Variants in AKT3 observed in about 807,000 individuals in gnomAD.
The protein encoded by AKT3 is AKT serine/threonine kinase 3, also known as RAC-gamma serine/threonine-protein kinase.
A neutral mutation model predicts 65.3 loss-of-function variants in AKT3; 15 were observed. The observed-to-expected ratio is 0.23, with a 90% confidence interval of 0.15 to 0.35. AKT3 has a LOEUF of 0.35. AKT3 is among the 10% of genes least tolerant of loss of function. The pLI, the probability that AKT3 is intolerant of heterozygous loss-of-function variation, is 1.00. For missense variants in AKT3, 243 were observed against 576.5 expected, an observed-to-expected ratio of 0.42 and a Z score of 5.92; for synonymous variants, 206 against 183.8, an observed-to-expected ratio of 1.12 and a Z score of -0.98.
rs563413471 is a variant in AKT3 at position 243,759,518 on chromosome 1, G to A, written c.47-63802C>T. Among the ~76,000 whole-genome samples, 3 of 150,960 alleles carry A rather than the reference G, an allele frequency of 2.0e-5. No individual in the cohort carries two copies. The South Asian group carries it at 6.3e-4, about 32-fold the overall frequency. ...ATGCTATACCTTCCCAAAATAACAT[G>A]ATGGGTAATGAATAATATTATGAAT... On this transcript the variant is annotated intron_variant, in intron 2 of 13. Coordinates refer to ENST00000673466, the MANE Select transcript of AKT3 (RefSeq NM_005465.7).
At chr1:243,693,280 ATATATATATATAT>A (rs1684837634) in intron 3 of AKT3, among the ~76,000 whole-genome samples, 2 of 111,848 alleles carry the variant, frequency 1.8e-5, no homozygotes, top group African/African-American at 7.2e-5. Context: ...ATATATATAT[ATATATATATATAT>A]AACATTTCCC....
At chr1:243,588,365 C>A (rs1398824283) in intron 8 of AKT3, among the ~76,000 whole-genome samples, 1 of 152,196 alleles carries the variant, frequency 6.6e-6, no homozygotes. Context: ...AGAGTCATTA[C>A]TGAACTCTCA....
chr1:243,641,624 T>C (rs1306637494), intron 5 of AKT3, among the ~76,000 whole-genome samples: 1 of 152,098 alleles, frequency 6.6e-6, no homozygotes, highest in African/African-American at 2.4e-5. Context: ...AATATTACTA[T>C]ATTCCTTAAG....
intron 2 of AKT3, among the ~76,000 whole-genome samples, chr1:243,815,087 C>A (rs1693422105): frequency 6.6e-6 from 1 of 152,154 alleles, no homozygotes; most frequent in Non-Finnish European, 1.5e-5. Flanking sequence ...TAGATTGGAT[C>A]TTTTCTAGAA....
At chr1:243,744,304 G>A (rs1688339277) in intron 2 of AKT3, among the ~76,000 whole-genome samples, 1 of 152,166 alleles carries the variant, frequency 6.6e-6, no homozygotes, top group Admixed American at 6.5e-5. Flanking sequence ...GGTAGAGGAA[G>A]GGAAGGCTTA....
intron 11 of AKT3, 89 bp from the exon 12 acceptor site, chr1:243,545,686 T>G: frequency 1.1e-6 from 1 of 941,654 alleles, no homozygotes. Context: ...AGTGTAATTT[T>G]CTGTGTAATA....
chr1:243,564,203 T>G (rs1673995677), intron 9 of AKT3, among the ~76,000 whole-genome samples: 1 of 152,170 alleles, frequency 6.6e-6, no homozygotes. Context: ...CCCAAAGAGA[T>G]GAGCATCTTC....
intron 3 of AKT3, among the ~76,000 whole-genome samples, chr1:243,673,271 A>G (rs1479010359): frequency 6.6e-6 from 1 of 152,216 alleles, no homozygotes; most frequent in Non-Finnish European, 1.5e-5. Context: ...TACATACATA[A>G]GTATAGGCAA....
chr1:243,612,736 G>A (rs1677961959), intron 8 of AKT3: 1 of 152,188 alleles, frequency 6.6e-6, no homozygotes, highest in Non-Finnish European at 1.5e-5. Context: ...AATATTGTCA[G>A]TCTCTTAAAT....
At chr1:243,550,870 A>T (rs1673013172) in intron 11 of AKT3, among the ~76,000 whole-genome samples, 1 of 135,846 alleles carries the variant, frequency 7.4e-6, no homozygotes, top group South Asian at 2.6e-4. Context: ...GAGGCAGGGG[A>T]ATTGCTTGAA....
intron 2 of AKT3, among the ~76,000 whole-genome samples, chr1:243,839,288 C>T (rs1695086544): frequency 6.6e-6 from 1 of 152,088 alleles, no homozygotes. Flanking sequence ...GTGCTGAAAT[C>T]CAATTTAGAG....
intron 12 of AKT3, among the ~76,000 whole-genome samples, chr1:243,544,619 AAAAT>A (rs1196627843): frequency 6.6e-6 from 1 of 152,164 alleles, no homozygotes; most frequent in Non-Finnish European, 1.5e-5. Flanking sequence ...CTTGCCTCAA[AAAAT>A]AAATAAATAA....
intron 2 of AKT3, among the ~76,000 whole-genome samples, chr1:243,836,597 T>C (rs1443010751): frequency 6.6e-6 from 1 of 152,060 alleles, no homozygotes; most frequent in Non-Finnish European, 1.5e-5. Context: ...TAAGACCACA[T>C]AATGGATCAT....
intron 6 of AKT3, chr1:243,624,782 TGA>T (rs1252056290): frequency 1.5e-5 from 3 of 205,128 alleles, no homozygotes; most frequent in Non-Finnish European, 3.2e-5. Context: ...TGTATGTGAA[TGA>T]GTTTGTCTCT....
chr1:243,786,781 C>T (rs1013940842), intron 2 of AKT3, among the ~76,000 whole-genome samples: 10 of 152,072 alleles, frequency 6.6e-5, no homozygotes, highest in Non-Finnish European at 1.2e-4. Context: ...TCCTACTCAC[C>T]CACAGGTCTC....
chr1:243,747,329 A>T (rs1210502240), intron 2 of AKT3, among the ~76,000 whole-genome samples: 1 of 152,240 alleles, frequency 6.6e-6, no homozygotes, highest in Non-Finnish European at 1.5e-5. Context: ...CGGCAAAGTG[A>T]ATTTGAGAAT....
intron 3 of AKT3, among the ~76,000 whole-genome samples, chr1:243,666,797 C>T (rs1682813863): frequency 2.0e-5 from 3 of 152,112 alleles, no homozygotes; most frequent in South Asian, 2.1e-4. Flanking sequence ...TTCCATTAGC[C>T]TAGAGTTGGA....
intron 4 of AKT3, among the ~76,000 whole-genome samples, chr1:243,651,063 T>G (rs542473317): frequency 6.6e-6 from 1 of 152,316 alleles, no homozygotes; most frequent in South Asian, 2.1e-4. Context: ...TTTGTTTGTG[T>G]CCTCTTATTT....
At chr1:243,527,162 G>C (rs1671163496) in intron 12 of AKT3, among the ~76,000 whole-genome samples, 1 of 152,156 alleles carries the variant, frequency 6.6e-6, no homozygotes, top group South Asian at 2.1e-4. Context: ...GATTCACTTA[G>C]GCCCTTTCAG....
Sources: allele counts gnomAD v4.1 joint callset (sites outside exome capture counted in the v4.1 genomes callset), GRCh38; gene constraint gnomAD v4.1.1; transcripts MANE v1.5; gene names NCBI Gene and HGNC (gene_info 2026-07-23, HGNC 2026-07-21).